The following TG variants were observed in gnomAD, a reference collection of about 807,000 sequenced individuals.
The protein encoded by TG is thyroglobulin.
In TG, 270 loss-of-function variants were observed where a neutral mutation model predicts 324.7. The observed-to-expected ratio is 0.83, with a 90% CI of 0.75 to 0.92. The LOEUF (loss-of-function observed/expected upper bound fraction) is 0.92. TG is among the 40% of genes least tolerant of loss of function. The probability of loss-of-function intolerance (pLI) is 0.00; values close to 1 mark genes in which losing one functional copy is unlikely to be tolerated. For missense variants in TG, 3,591 were observed against 3,456.4 expected (o/e 1.04, Z -0.98); for synonymous variants, 1,401 against 1,327.0 (o/e 1.06, Z -1.21).
At chr8:132,900,427 C>A in intron 15 of TG, 88 bp downstream of exon 15, 1 of 1,228,716 alleles carries the variant, frequency 8.1e-7, no homozygotes, top group Non-Finnish European at 1.2e-6. Context: ...CGTGTCCCAG[C>A]TCTACTGCTT....
rs541014584 is a variant in TG at position 133,028,719 on chromosome 8, A to G, written c.7037-1102A>G. Among the ~76,000 whole-genome samples the G allele has an allele frequency of 6.6e-5, 10 of 152,344 alleles. No homozygotes were observed. The East Asian group carries it at 1.9e-3, about 29-fold the overall frequency. ...CTGTAAGTGGTGGAGTTGGGACTGCAGCCGGCTGGTCTGCCTCCATGGTGA... is the reference window on the plus strand; with the variant it reads ...CTGTAAGTGGTGGAGTTGGGACTGCGGCCGGCTGGTCTGCCTCCATGGTGA... On this transcript the variant is annotated intron_variant, in intron 40 of 47. Transcript: ENST00000220616.
At chr8:132,971,380 A>G (rs549778930) in intron 32 of TG, among the ~76,000 whole-genome samples, 5 of 152,256 alleles carry the variant, frequency 3.3e-5, no homozygotes, top group South Asian at 4.1e-4. Context: ...CTGTAAGCCT[A>G]TGGACTCTCC....
In TG at chr8:133,017,774, A is replaced by G. The variant is rs771584047; in HGVS notation, c.6563-4A>G. ...TCACCCCTTTCTCTTCCCTTTCCCA[A>G]CAGGAATCTCTCTGCTCAGCTATGA... On this transcript the variant is annotated splice_polypyrimidine_tract_variant and splice_region_variant and intron_variant, in intron 37 of 47. Coordinates refer to ENST00000220616, the MANE Select transcript of TG (RefSeq NM_003235.5). 6 of 1,613,856 alleles carry G rather than the reference A, an allele frequency of 3.7e-6. No individual in the cohort carries two copies. The South Asian group carries it at 4.4e-5, about 12-fold the overall frequency.
intron 26 of TG, among the ~76,000 whole-genome samples, chr8:132,945,675 T>C (rs77771571): frequency 0.024 from 3,721 of 152,102 alleles, 150 homozygotes; most frequent in African/African-American, 0.085. Context: ...GGGATGGAGC[T>C]GATCTTGATG....
chr8:132,911,308 T>C, intron 18 of TG, 69 bp from the exon 19 acceptor site: 1 of 1,613,722 alleles, frequency 6.2e-7, no homozygotes, highest in East Asian at 2.2e-5. Context: ...TTCTGGTTCC[T>C]GGTGTGGACC....
intron 41 of TG, among the ~76,000 whole-genome samples, chr8:133,074,630 G>C (rs1844585756): frequency 6.6e-6 from 1 of 152,194 alleles, no homozygotes; most frequent in African/African-American, 2.4e-5. Flanking sequence ...TCCTGCCCCT[G>C]CTCCTCCAGC....
chr8:132,898,821 C>T lies in TG; in HGVS notation c.3241C>T (p.Arg1081Ter), dbSNP rs745902921. ...PQCPTTCEKS[R>*]TSGLLSSWKQ... ...AGGCCCGACAACCTGCGAGAAATCT[C>T]GAACCAGTGGGCTGCTTTCCAGTTG... The change falls in exon 14 of 48, where the codon CGA (arginine) becomes TGA (stop). Residue 1081 changes from arginine (R) to a stop codon, truncating the protein, a stop_gained. Coordinates refer to ENST00000220616, the MANE Select transcript of TG (RefSeq NM_003235.5). LOFTEE classifies it high-confidence loss of function. 18 of 1,614,028 alleles carry T rather than the reference C, an allele frequency of 1.1e-5. No homozygotes were observed. The highest frequency in any genetic ancestry group is 6.7e-5 in the Admixed American group (4 of 60,008).
At chr8:133,027,620 G>A (rs1453035145) in intron 40 of TG, among the ~76,000 whole-genome samples, 2 of 152,230 alleles carry the variant, frequency 1.3e-5, no homozygotes, top group Non-Finnish European at 2.9e-5. Context: ...TGCACTTGAT[G>A]CAGTAGGAAT....
chr8:133,105,001 A>G (rs1243147030), intron 43 of TG, among the ~76,000 whole-genome samples: 1 of 152,192 alleles, frequency 6.6e-6, no homozygotes, highest in African/African-American at 2.4e-5. Context: ...CCCTCTAATG[A>G]ACAAAGGAGT....
intron 41 of TG, among the ~76,000 whole-genome samples, chr8:133,073,983 C>T (rs1844476888): frequency 6.6e-6 from 1 of 152,116 alleles, no homozygotes; most frequent in South Asian, 2.1e-4. Context: ...GTGGATATCA[C>T]CTCCTGACAC....
chr8:133,021,886 C>T lies in TG; in HGVS notation c.6877-105C>T, dbSNP rs971552250. The T allele has an allele frequency of 1.4e-5, 20 of 1,428,788 alleles. No individual in the cohort carries two copies. In the African/African-American group the frequency reaches 2.5e-4, roughly 18 times the overall value. The allele number at this position is 1,428,788 out of a possible 1,614,324, so 88.5% of individuals were successfully genotyped here. A position where few individuals can be genotyped will look rare whatever the true frequency, so the allele number is the denominator to read the frequency against. ...ATCCACTGCATGGGGCTAAGTATGC[C>T]ACAGAGCTGGCCAGAGGAGTCCTGT... On this transcript the variant is annotated intron_variant, in intron 39 of 47. Coordinates refer to ENST00000220616, the MANE Select transcript of TG (RefSeq NM_003235.5).
intron 1 of TG, 101 bp from the exon 2 acceptor site, chr8:132,868,014 T>C (rs999764518): frequency 4.7e-6 from 5 of 1,054,072 alleles, no homozygotes; most frequent in Non-Finnish European, 7.4e-6. Context: ...TCATAGGTAA[T>C]GATGATGACC....
Position 132,868,180 on chromosome 8 carries a change from C to G in TG, c.133C>G (p.Gln45Glu). The G allele has an allele frequency of 1.2e-6, 2 of 1,614,150 alleles. No individual in the cohort carries two copies. Among genetic ancestry groups the G allele is most frequent in the Non-Finnish European group, 1.7e-6 (2 of 1,180,042 alleles). The change falls in exon 2 of 48, where the codon CAA becomes GAA. Residue 45 changes from glutamine (Q) to glutamate (E), a missense_variant. Transcript: ENST00000220616. ...GCAGAGGGAAACGGCCTTTCTGAAG[C>G]AAGCAGACTACGTGCCCCAGTGTGC... is the stretch of plus-strand genomic sequence containing the variant. The part of the protein sequence containing the change: ...ELQRETAFLK[Q>E]ADYVPQCAED...
chr8:132,967,542 CT>C (rs1237512766), intron 30 of TG, among the ~76,000 whole-genome samples: 1 of 152,164 alleles, frequency 6.6e-6, no homozygotes, highest in Non-Finnish European at 1.5e-5. Context: ...TCTTGTATTG[CT>C]GAGTTTGAGG....
At chr8:132,876,881 G>A (rs143975096) in intron 5 of TG, among the ~76,000 whole-genome samples, 1 of 152,354 alleles carries the variant, frequency 6.6e-6, no homozygotes, top group East Asian at 1.9e-4. Context: ...TGTCCTTAAT[G>A]ACTAAACACA....
intron 10 of TG, among the ~76,000 whole-genome samples, chr8:132,891,261 A>T (rs1261793459): frequency 6.6e-6 from 1 of 152,106 alleles, no homozygotes; most frequent in Non-Finnish European, 1.5e-5. Context: ...AGTGAGGTGG[A>T]GGAAAGGTTA....
chr8:132,961,032 A>G lies in TG; in HGVS notation c.5426A>G (p.Gln1809Arg). The G allele has an allele frequency of 1.2e-6, 2 of 1,613,970 alleles. No homozygotes were observed. The highest frequency in any genetic ancestry group is 1.7e-6 in the Non-Finnish European group (2 of 1,179,876). ...IKSLTPLEGT[Q>R]DTFTNFQQVY... ...GGTCTGACACCCTTAGAAGGAACTC[A>G]AGACACCTTTACCAATTTTCAGCAG... The change falls in exon 28 of 48, where the codon CAA becomes CGA. Residue 1809 changes from glutamine (Q) to arginine (R), a missense_variant. Transcript: ENST00000220616.
At chr8:132,912,307 G>A (rs930964069) in intron 19 of TG, among the ~76,000 whole-genome samples, 6 of 152,194 alleles carry the variant, frequency 3.9e-5, no homozygotes, top group Non-Finnish European at 8.8e-5. Context: ...TCCAAAGAGA[G>A]CCTGGATAAT....
At position 133,011,939 on chromosome 8, in the gene TG, G is replaced by T. The variant is rs1376689050; in HGVS notation, c.6301G>T (p.Val2101Leu). The change falls in exon 36 of 48, where the codon GTG becomes TTG. Residue 2101 changes from valine (V) to leucine (L), a missense_variant. Physicochemically the swap from Val to Leu is conservative, Grantham distance 32. Coordinates refer to ENST00000220616, the MANE Select transcript of TG (RefSeq NM_003235.5). ...GTGGCAGTCCCTGGCCCTCTCTTCAGTGGTTGTTGATCCATCCATTAGGCA... is the reference window on the plus strand; with the variant it reads ...GTGGCAGTCCCTGGCCCTCTCTTCATTGGTTGTTGATCCATCCATTAGGCA... Reference protein sequence around the residue: ...DSWQSLALSSVVVDPSIRHFD... With the variant: ...DSWQSLALSSLVVDPSIRHFD... 6.2e-7 allele frequency: 1 copy of T among 1,614,080 alleles called. No individual in the cohort carries two copies. The highest frequency in any genetic ancestry group is 2.2e-5 in the East Asian group (1 of 44,886).
Sources: allele counts gnomAD v4.1 joint callset (sites outside exome capture counted in the v4.1 genomes callset), GRCh38; gene constraint gnomAD v4.1.1; transcripts MANE v1.5; gene names NCBI Gene and HGNC (gene_info 2026-07-23, HGNC 2026-07-21).